AR: variants seen among roughly 807,000 people sequenced by gnomAD.
AR encodes the protein dihydrotestosterone receptor.
AR carries 8 observed loss-of-function variants against 53.9 expected under a neutral mutation model. The ratio of observed to expected loss-of-function variants is 0.15; its 90% CI spans 0.09 to 0.27. AR has a LOEUF of 0.27. Among genes scored for constraint, AR ranks in the 10% least tolerant of loss-of-function variants. The pLI, the probability that AR is intolerant of heterozygous loss-of-function variation, is 1.00. For missense variants in AR, 639 were observed against 742.5 expected (o/e 0.86, Z 1.62); for synonymous variants, 359 against 316.4 (o/e 1.13, Z -1.43).
At chrX:67,633,700 G>C (rs1206682725) in intron 1 of AR, among the ~76,000 whole-genome samples, 1 of 111,375 alleles carries the variant, frequency 9.0e-6, no homozygotes, top group Non-Finnish European at 1.9e-5. Context: ...AACAAAATGT[G>C]GTATATCCAT....
rs185429192 is a variant in AR, at chrX:67,725,493, C to A, written c.*1652C>A. On this transcript the variant is annotated 3_prime_UTR_variant, in exon 8 of 8. Coordinates refer to ENST00000374690, the MANE Select transcript of AR (RefSeq NM_000044.6). ...GGTGGGAAGAATGAAGGCACTAGAA[C>A]CAGAAACCCTGCAAATGCTCTTCTT... 64 of 174,220 alleles carry A rather than the reference C, an allele frequency of 3.7e-4. No homozygotes were observed. Among genetic ancestry groups the A allele is most frequent in the African/African-American group, 1.8e-3 (60 of 33,917 alleles). 14.4% of individuals were successfully genotyped at this position (174,220 alleles called of 1,213,427 possible).
At chrX:67,704,314 C>T (rs1350634995) in intron 3 of AR, among the ~76,000 whole-genome samples, 12 of 107,690 alleles carry the variant, frequency 1.1e-4, no homozygotes, top group Admixed American at 2.0e-4. Flanking sequence ...CCTGTTGTTT[C>T]CTGACTTTTT....
chrX:67,670,325 A>C (rs1045793545), intron 2 of AR, among the ~76,000 whole-genome samples: 18 of 93,712 alleles, frequency 1.9e-4, no homozygotes, highest in Non-Finnish European at 3.1e-4. Context: ...AAACTAATGA[A>C]ATTTTTTAAA....
chrX:67,665,082 GC>G (rs1211292716), intron 2 of AR, among the ~76,000 whole-genome samples: 1 of 112,883 alleles, frequency 8.9e-6, no homozygotes, highest in Admixed American at 9.3e-5. Context: ...GCGATGTCTC[GC>G]CCTGCTTTGG....
At chrX:67,681,788 G>A (rs2075935528) in intron 2 of AR, among the ~76,000 whole-genome samples, 1 of 112,192 alleles carries the variant, frequency 8.9e-6, no homozygotes, top group African/African-American at 3.2e-5. Context: ...GCCTTGTATG[G>A]AGGAATGGAT....
At position 67,725,023 on chromosome X, in the gene AR, T is replaced by C. The variant is rs1392580295; in HGVS notation, c.*1182T>C. 1 of 173,827 alleles carries C rather than the reference T, an allele frequency of 5.8e-6. No individual in the cohort carries two copies. Among genetic ancestry groups the C allele is most frequent in the African/African-American group, 3.0e-5 (1 of 33,785 alleles). The allele number at this position is 173,827 out of a possible 1,213,427, so 14.3% of individuals were successfully genotyped here. A position where few individuals can be genotyped will look rare whatever the true frequency, so the allele number is the denominator to read the frequency against. Reference sequence around the variant, plus strand: ...TTAAACTCTCACTGCCACTACCTTTTCCCCACCTTTAAAAGACCTGAATGA... The same window carrying C: ...TTAAACTCTCACTGCCACTACCTTTCCCCCACCTTTAAAAGACCTGAATGA... On this transcript the variant is annotated 3_prime_UTR_variant, in exon 8 of 8. Transcript: ENST00000374690.
rs2076156501 is a variant in AR, at chrX:67,726,066, C to T, written c.*2225C>T. On this transcript the variant is annotated 3_prime_UTR_variant, in exon 8 of 8. Coordinates refer to ENST00000374690, the MANE Select transcript of AR (RefSeq NM_000044.6). ...TGTTGAGAGGATAGTTTCTGAGTGA[C>T]ATGATATGATCCACAAGGGTTTCCT... is the stretch of plus-strand genomic sequence containing the variant. The T allele has an allele frequency of 2.3e-5, 4 of 174,336 alleles. No individual in the cohort carries two copies. Among genetic ancestry groups the T allele is most frequent in the Non-Finnish European group, 4.4e-5 (4 of 91,526 alleles). 14.4% of individuals were successfully genotyped at this position (174,336 alleles called of 1,213,427 possible).
chrX:67,651,763 C>T (rs974657082), intron 2 of AR, among the ~76,000 whole-genome samples: 3 of 111,791 alleles, frequency 2.7e-5, no homozygotes, highest in South Asian at 3.7e-4. Flanking sequence ...CACTTAAAAC[C>T]GCTGGTAGTT....
At chrX:67,665,102 C>T (rs1415685329) in intron 2 of AR, among the ~76,000 whole-genome samples, 3 of 112,914 alleles carry the variant, frequency 2.7e-5, no homozygotes, top group Non-Finnish European at 3.7e-5. Flanking sequence ...GGCTCATGCT[C>T]GGTGCGCTGC....
intron 1 of AR, among the ~76,000 whole-genome samples, chrX:67,641,263 G>A (rs955292117): frequency 1.8e-5 from 2 of 111,748 alleles, no homozygotes; most frequent in African/African-American, 6.5e-5. Flanking sequence ...GCAATATAGG[G>A]ATGATACACA....
At chrX:67,598,602 C>T (rs1923192718) in intron 1 of AR, among the ~76,000 whole-genome samples, 1 of 110,991 alleles carries the variant, frequency 9.0e-6, no homozygotes, top group Non-Finnish European at 1.9e-5. Context: ...TTTATTCTGA[C>T]TAGAAAAGTA....
At chrX:67,637,566 C>T (rs1347947808) in intron 1 of AR, among the ~76,000 whole-genome samples, 1 of 108,767 alleles carries the variant, frequency 9.2e-6, no homozygotes, top group African/African-American at 3.4e-5. Context: ...TTTTCTTAAT[C>T]CAGTCTATCA....
chrX:67,588,492 A>G (rs1193420303), intron 1 of AR, among the ~76,000 whole-genome samples: 1 of 111,810 alleles, frequency 8.9e-6, no homozygotes, highest in East Asian at 2.8e-4. Flanking sequence ...TGGGATCATC[A>G]AGCCTGTTTT....
intron 3 of AR, chrX:67,695,122 C>A: frequency 1.3e-6 from 1 of 765,191 alleles, no homozygotes; most frequent in Non-Finnish European, 1.5e-6. Context: ...TGGTGTGCTG[C>A]CAGGAAGAAA....
chrX:67,702,929 T>G (rs1278826282), intron 3 of AR, among the ~76,000 whole-genome samples: 1 of 111,259 alleles, frequency 9.0e-6, no homozygotes, highest in African/African-American at 3.3e-5. Context: ...ACAAAAAATG[T>G]TAACCAGGAG....
intron 1 of AR, among the ~76,000 whole-genome samples, chrX:67,622,354 G>T (rs908526164): frequency 3.6e-5 from 4 of 111,498 alleles, no homozygotes; most frequent in African/African-American, 1.3e-4. Flanking sequence ...GACAGCAGAT[G>T]TGGCTTGGGA....
At chrX:67,616,561 T>G (rs974255388) in intron 1 of AR, among the ~76,000 whole-genome samples, 18 of 111,287 alleles carry the variant, frequency 1.6e-4, no homozygotes, top group African/African-American at 4.9e-4. Flanking sequence ...TAGTCCATCG[T>G]GTATATGTGC....
chrX:67,687,712 G>A (rs952592829), intron 3 of AR, among the ~76,000 whole-genome samples: 1 of 112,147 alleles, frequency 8.9e-6, no homozygotes, highest in African/African-American at 3.2e-5. Flanking sequence ...CAATTATTTA[G>A]CCTTCTGTGA....
intron 1 of AR, among the ~76,000 whole-genome samples, chrX:67,619,705 A>G (rs1945077509): frequency 9.0e-6 from 1 of 111,270 alleles, no homozygotes; most frequent in African/African-American, 3.3e-5. Flanking sequence ...ATGAGGTTAA[A>G]GTATGTAGAG....
Sources: allele counts gnomAD v4.1 joint callset (sites outside exome capture counted in the v4.1 genomes callset), GRCh38; gene constraint gnomAD v4.1.1; transcripts MANE v1.5; gene names NCBI Gene and HGNC (gene_info 2026-07-23, HGNC 2026-07-21).